The following GFRA3 variants were observed in gnomAD, a reference collection of about 807,000 sequenced individuals.
GFRA3 encodes the protein GDNF family receptor alpha-3.
Under a neutral mutation model 40.0 loss-of-function variants are expected in GFRA3, and 24 were observed. The ratio of observed to expected loss-of-function variants is 0.60; its 90% CI spans 0.43 to 0.84. The LOEUF is 0.84. GFRA3 is among the 40% of genes least tolerant of loss of function. GFRA3 has a pLI of 0.00. For synonymous variants in GFRA3, 203 were observed against 213.5 expected (o/e 0.95, Z 0.43); for missense variants, 405 against 530.6 (o/e 0.76, Z 2.33).
At chr5:138,256,976 A>G (rs1412733222) in intron 4 of GFRA3, among the ~76,000 whole-genome samples, 2 of 151,758 alleles carry the variant, frequency 1.3e-5, no homozygotes, top group African/African-American at 4.8e-5. Context: ...CTTAAAGGAC[A>G]GTAAGTAAAA....
At position 138,253,390 on chromosome 5, in the gene GFRA3, G is replaced by T; in HGVS notation, c.1025-15C>A. On this transcript the variant is annotated splice_polypyrimidine_tract_variant and intron_variant, in intron 6 of 7. Coordinates refer to ENST00000274721, the MANE Select transcript of GFRA3 (RefSeq NM_001496.4). ...AATGGCCTCCGCTGAAGAGAGGAGA[G>T]AAGGCTCATTGGAAGGGTATGGGGG... The T allele has an allele frequency of 6.6e-7, 1 of 1,521,288 alleles. No individual in the cohort carries two copies. The highest frequency in any genetic ancestry group is 9.0e-7 in the Non-Finnish European group (1 of 1,106,290). 94.2% of individuals were successfully genotyped at this position (1,521,288 alleles called of 1,614,324 possible).
intron 1 of GFRA3, among the ~76,000 whole-genome samples, chr5:138,273,637 G>C (rs140172510): frequency 0.013 from 2,032 of 152,250 alleles, 32 homozygotes; most frequent in Middle Eastern, 0.02. Context: ...TTCAGTCTCT[G>C]GGCAGGAGCC....
In GFRA3 at chr5:138,274,592, G is replaced by A; in HGVS notation, c.-168C>T. 1 of 1,225,616 alleles carries A rather than the reference G, an allele frequency of 8.2e-7. No homozygotes were observed. Among genetic ancestry groups the A allele is most frequent in the Non-Finnish European group, 1.0e-6 (1 of 984,472 alleles). 75.9% of individuals were successfully genotyped at this position (1,225,616 alleles called of 1,614,324 possible). On this transcript the variant is annotated 5_prime_UTR_variant, in exon 1 of 8. The change creates a new upstream start codon in the 5' untranslated region. Transcript: ENST00000274721. ...GCCGCCCTCCAACTCCGAAGCGCGC[G>A]TCCACACCACGCGCCTCCAGCGCTG...
intron 1 of GFRA3, among the ~76,000 whole-genome samples, chr5:138,272,989 A>G (rs1561655243): frequency 6.6e-6 from 1 of 152,140 alleles, no homozygotes; most frequent in African/African-American, 2.4e-5. Flanking sequence ...GAGGCCCACA[A>G]CCCAGGTATC....
intron 4 of GFRA3, among the ~76,000 whole-genome samples, chr5:138,256,946 C>A (rs78469054): frequency 7.2e-3 from 961 of 132,694 alleles, no homozygotes; most frequent in Non-Finnish European, 7.7e-3. Context: ...GACTCTGTCT[C>A]AAAAAAAAAA....
chr5:138,267,029 C>A, intron 1 of GFRA3: 1 of 158,686 alleles, frequency 6.3e-6, no homozygotes, highest in South Asian at 1.8e-4. Context: ...AGCAATAGGT[C>A]AGACGTTTGC....
chr5:138,259,525 C>T (rs763664084), intron 3 of GFRA3, 32 bp downstream of exon 3: 3 of 963,962 alleles, frequency 3.1e-6, no homozygotes, highest in Middle Eastern at 2.1e-4. Flanking sequence ...CAGCCCCAGC[C>T]TCTGGTTCCC....
At chr5:138,259,940 T>C (rs1755686822) in intron 2 of GFRA3, among the ~76,000 whole-genome samples, 1 of 152,000 alleles carries the variant, frequency 6.6e-6, no homozygotes, top group Admixed American at 6.6e-5. Flanking sequence ...ACCATCGCAC[T>C]TACGCGATGG....
chr5:138,269,749 A>C (rs1034347970), intron 1 of GFRA3, among the ~76,000 whole-genome samples: 45 of 146,464 alleles, frequency 3.1e-4, no homozygotes, highest in African/African-American at 1.1e-3. Flanking sequence ...AGGCTGAGGC[A>C]GGAGAATCGC....
Position 138,271,102 on chromosome 5 carries a change from C to T in GFRA3, c.91+3232G>A, listed in dbSNP as rs140130748. Among the ~76,000 whole-genome samples the T allele has an allele frequency of 3.0e-3, 460 of 152,134 alleles. 6 individuals carry two copies. The highest frequency in any genetic ancestry group is 0.014 in the Middle Eastern group (4 of 294). ...CTGCCTCCCGGGTTCAAGCGATTCT[C>T]CTGCCTCAGCCTCCCAACTAGCTGG... On this transcript the variant is annotated intron_variant, in intron 1 of 7. Coordinates refer to ENST00000274721, the MANE Select transcript of GFRA3 (RefSeq NM_001496.4).
intron 3 of GFRA3, 67 bp downstream of exon 3, chr5:138,259,490 C>T: frequency 1.3e-6 from 1 of 798,824 alleles, no homozygotes; most frequent in Non-Finnish European, 2.3e-6. Flanking sequence ...TTCTGCCCCT[C>T]CCCAGCCACC....
chr5:138,259,582 G>A lies in GFRA3; in HGVS notation c.447C>T (p.Leu149=). Residue 149 remains leucine (L), a synonymous_variant, in exon 3 of 8, where the codon CTC becomes CTT. Coordinates refer to ENST00000274721, the MANE Select transcript of GFRA3 (RefSeq NM_001496.4). Reference sequence around the variant, plus strand: ...CTGGTTTGAGCATGTTCAGTTTGCTGAGATTCATTTTCCAGGGTTTGCTGG... The same window carrying A: ...CTGGTTTGAGCATGTTCAGTTTGCTAAGATTCATTTTCCAGGGTTTGCTGG... The part of the protein sequence containing the change: ...TVTSKPWKMN[L]SKLNMLKPDS... 1 of 1,556,478 alleles carries A rather than the reference G, an allele frequency of 6.4e-7. No individual in the cohort carries two copies. The highest frequency in any genetic ancestry group is 8.9e-7 in the Non-Finnish European group (1 of 1,127,390).
intron 3 of GFRA3, 73 bp from the exon 4 acceptor site, chr5:138,258,024 C>T: frequency 3.1e-5 from 37 of 1,210,624 alleles, no homozygotes; most frequent in Non-Finnish European, 4.4e-5. Flanking sequence ...ACAGGAACCC[C>T]GGAAACCCCT....
At chr5:138,258,203 G>A (rs1755662213) in intron 3 of GFRA3, among the ~76,000 whole-genome samples, 1 of 71,330 alleles carries the variant, frequency 1.4e-5, no homozygotes, top group Admixed American at 2.0e-4. Context: ...TTTTTGAGAC[G>A]GAGTTTTGCT....
chr5:138,253,291 T>C lies in GFRA3; in HGVS notation c.1109A>G (p.His370Arg). Residue 370 changes from histidine to arginine, a missense_variant, in exon 7 of 8, where the codon CAC becomes CGC. Transcript: ENST00000274721. ...GTGTAACAGAGGAGGCCCTACCTGGTGTGCCATCACAGCAAAGGTAGGGTG... is the reference window on the plus strand; with the variant it reads ...GTGTAACAGAGGAGGCCCTACCTGGCGTGCCATCACAGCAAAGGTAGGGTG... ...WPHPTFAVMA[H>R]QNENPAVRPQ... 1 of 1,582,518 alleles carries C rather than the reference T, an allele frequency of 6.3e-7. No individual in the cohort carries two copies. Among genetic ancestry groups the C allele is most frequent in the Non-Finnish European group, 8.6e-7 (1 of 1,159,238 alleles).
rs1312901157 is a variant in GFRA3 at position 138,253,812 on chromosome 5, C to T, written c.978G>A (p.Glu326=). The change falls in exon 6 of 8, where the codon GAG becomes GAA. Residue 326 remains glutamate (E), a synonymous_variant. Transcript: ENST00000274721. ...AGAACCCTTCCAGCATTTCACACTC[C>T]TCCTGCAGGTTGCCACTGCCTCGGC... ...CTCRGSGNLQ[E]ECEMLEGFFS... 1.2e-6 allele frequency: 2 copies of T among 1,614,022 alleles called. No individual in the cohort carries two copies. The highest frequency in any genetic ancestry group is 1.7e-5 in the Admixed American group (1 of 60,006).
intron 1 of GFRA3, among the ~76,000 whole-genome samples, chr5:138,273,831 G>A (rs979400527): frequency 5.9e-5 from 9 of 152,176 alleles, no homozygotes; most frequent in Non-Finnish European, 1.2e-4. Flanking sequence ...GTGCTAGACG[G>A]CTTGCAAGGC....
chr5:138,253,565 T>C (rs1002468512), intron 6 of GFRA3, among the ~76,000 whole-genome samples, 190 bp from the exon 7 acceptor site: 5 of 152,144 alleles, frequency 3.3e-5, no homozygotes, highest in African/African-American at 1.2e-4. Flanking sequence ...CCAGACAGGT[T>C]GAACAGGCAG....
chr5:138,256,946 C>CAAAAA (rs11439851), intron 4 of GFRA3, among the ~76,000 whole-genome samples: 3 of 132,938 alleles, frequency 2.3e-5, no homozygotes, highest in African/African-American at 2.8e-5. Flanking sequence ...GACTCTGTCT[C>CAAAAA]AAAAAAAAAA....
Sources: gnomAD v4.1 joint callset for allele counts (sites outside exome capture counted in the v4.1 genomes callset) on GRCh38, gnomAD v4.1.1 for gene constraint, MANE v1.5 for transcripts, NCBI Gene and HGNC (gene_info 2026-07-23, HGNC 2026-07-21) for gene names.